LGALS12: variants seen among roughly 807,000 people sequenced by gnomAD.
LGALS12 encodes the protein galectin 12, also known as galectin-12.
Under a neutral mutation model 36.8 loss-of-function variants are expected in LGALS12, and 36 were observed. That is an observed-to-expected ratio of 0.98 (90% CI 0.75 to 1.29). The LOEUF is 1.29. LGALS12 is among the 50% of genes most tolerant of loss of function. The pLI, the probability that LGALS12 is intolerant of heterozygous loss-of-function variation, is 0.00. For synonymous variants in LGALS12, 145 were observed against 155.9 expected, an observed-to-expected ratio of 0.93 and a Z score of 0.52; for missense variants, 366 against 394.3, an observed-to-expected ratio of 0.93 and a Z score of 0.61.
intron 7 of LGALS12, among the ~76,000 whole-genome samples, chr11:63,514,298 G>A (rs938889783): frequency 2.0e-5 from 3 of 152,190 alleles, no homozygotes; most frequent in East Asian, 1.9e-4. Flanking sequence ...TGGGCCGGGC[G>A]CGGTGGCTCA....
In LGALS12 at chr11:63,506,327, C is replaced by T; in HGVS notation, c.-132C>T. 1 of 1,596,284 alleles carries T rather than the reference C, an allele frequency of 6.3e-7. No homozygotes were observed. The highest frequency in any genetic ancestry group is 1.3e-5 in the African/African-American group (1 of 74,664). On this transcript the variant is annotated 5_prime_UTR_variant, in exon 1 of 9. Coordinates refer to ENST00000394618, the MANE Select transcript of LGALS12 (RefSeq NM_033101.4). ...TGCTCCAGACAGCATTAAAACGCTG[C>T]AGGTCGCAGGTGAGACTAACAGCTG...
Position 63,507,444 on chromosome 11 carries a change from C to T in LGALS12, c.69+917C>T, listed in dbSNP as rs115568215. Among the ~76,000 whole-genome samples the T allele has an allele frequency of 1.4e-3, 207 of 152,230 alleles. 2 individuals are homozygous for T. Among genetic ancestry groups the T allele is most frequent in the African/African-American group, 4.8e-3 (198 of 41,534 alleles). ...ACACATCTATGCAGAGCCCTCACGG[C>T]GTCAGGTGAGGCACTGAGCCTACAG... On this transcript the variant is annotated intron_variant, in intron 1 of 8. Transcript: ENST00000394618.
At chr11:63,509,724 A>G in intron 3 of LGALS12, 54 bp from the exon 4 acceptor site, 1 of 1,600,802 alleles carries the variant, frequency 6.2e-7, no homozygotes, top group South Asian at 1.1e-5. Context: ...GGACATTGTT[A>G]TGAACTCAAT....
At chr11:63,508,700 G>A in intron 2 of LGALS12, 59 bp downstream of exon 2, 1 of 1,613,554 alleles carries the variant, frequency 6.2e-7, no homozygotes, top group African/African-American at 1.3e-5. Context: ...GCATCGAGCT[G>A]GAGGGCTCCT....
At chr11:63,510,034 G>T in intron 4 of LGALS12, 137 bp downstream of exon 4, 1 of 1,092,066 alleles carries the variant, frequency 9.2e-7, no homozygotes, top group Non-Finnish European at 1.3e-6. Flanking sequence ...CCAAGGGGGA[G>T]GGAGTCCACT....
At chr11:63,513,918 T>C (rs986498028) in intron 7 of LGALS12, among the ~76,000 whole-genome samples, 1 of 152,094 alleles carries the variant, frequency 6.6e-6, no homozygotes, top group African/African-American at 2.4e-5. Flanking sequence ...CTGAGCTGCA[T>C]GAAGGTGAGG....
chr11:63,513,747 CCTT>C (rs2016994322), intron 7 of LGALS12, among the ~76,000 whole-genome samples: 1 of 152,200 alleles, frequency 6.6e-6, no homozygotes, highest in South Asian at 2.1e-4. Context: ...ATCTATCCCT[CCTT>C]CTTCACCTCA....
chr11:63,509,014 G>T, intron 3 of LGALS12, 23 bp downstream of exon 3: 1 of 1,590,482 alleles, frequency 6.3e-7, no homozygotes, highest in South Asian at 1.1e-5. Flanking sequence ...ACGGGCATTG[G>T]GTGGTCTAGA....
At chr11:63,512,210 A>T (rs753308148) in intron 7 of LGALS12, among the ~76,000 whole-genome samples, 7 of 152,228 alleles carry the variant, frequency 4.6e-5, no homozygotes, top group Non-Finnish European at 7.4e-5. Context: ...AGATACAGCC[A>T]GACTGCCCCA....
rs2016833827 is a variant in LGALS12 at position 63,508,963 on chromosome 11, T to G, written c.344T>G (p.Leu115Arg). Residue 115 changes from leucine (L) to arginine (R), a missense_variant, in exon 3 of 9, where the codon CTC becomes CGC. Leu to Arg is a moderately radical substitution (Grantham distance 102). Transcript: ENST00000394618. Reference sequence around the variant, plus strand: ...CGAAGAGGCTCCAGCTTCCTCATCCTCTTTCTCTTCGGGAATGAGGAAGTG... The same window carrying G: ...CGAAGAGGCTCCAGCTTCCTCATCCGCTTTCTCTTCGGGAATGAGGAAGTG... ...ALRRGSSFLI[L>R]FLFGNEEVKV... 1 of 1,613,978 alleles carries G rather than the reference T, an allele frequency of 6.2e-7. No homozygotes were observed. The highest frequency in any genetic ancestry group is 1.7e-5 in the Admixed American group (1 of 60,012).
intron 7 of LGALS12, among the ~76,000 whole-genome samples, chr11:63,512,304 C>T (rs550225883): frequency 5.7e-4 from 87 of 152,344 alleles, no homozygotes; most frequent in African/African-American, 2.0e-3. Context: ...CTACATGGTG[C>T]TTTCAAACCC....
At chr11:63,512,650 A>G (rs2016961042) in intron 7 of LGALS12, among the ~76,000 whole-genome samples, 1 of 151,992 alleles carries the variant, frequency 6.6e-6, no homozygotes, top group South Asian at 2.1e-4. Context: ...TTAGCCGGGC[A>G]TGGTGGCGCA....
intron 7 of LGALS12, among the ~76,000 whole-genome samples, chr11:63,513,136 G>A (rs541778759): frequency 4.6e-5 from 7 of 152,264 alleles, no homozygotes; most frequent in African/African-American, 7.2e-5. Context: ...CAGTGCGGTC[G>A]TGGGCCAGTC....
intron 7 of LGALS12, 103 bp downstream of exon 7, chr11:63,511,943 T>A: frequency 4.8e-6 from 4 of 825,872 alleles, no homozygotes; most frequent in Non-Finnish European, 8.3e-6. Context: ...CACCATTTAA[T>A]CCCCATTTTA....
intron 7 of LGALS12, among the ~76,000 whole-genome samples, chr11:63,512,746 G>A (rs1033122615): frequency 5.4e-5 from 8 of 147,126 alleles, no homozygotes; most frequent in South Asian, 2.1e-4. Context: ...CCGAGATCGC[G>A]CCACTGCACT....
rs2016736735 is a variant in LGALS12 at position 63,506,121 on chromosome 11, C to T, written c.-338C>T. ...TGGCCCCACAGGAGCCAGCCTCTGG[C>T]TTCTCTCTGCAATGGCCATGTGCTG... On this transcript the variant is annotated 5_prime_UTR_variant, in exon 1 of 9. Coordinates refer to ENST00000394618, the MANE Select transcript of LGALS12 (RefSeq NM_033101.4). 7.4e-6 allele frequency: 3 copies of T among 406,290 alleles called. No homozygotes were observed. Among genetic ancestry groups the T allele is most frequent in the African/African-American group, 6.1e-5 (3 of 48,888 alleles). 25.2% of individuals were successfully genotyped at this position (406,290 alleles called of 1,614,324 possible).
intron 4 of LGALS12, 112 bp downstream of exon 4, chr11:63,510,009 G>A: frequency 1.5e-6 from 2 of 1,316,550 alleles, no homozygotes; most frequent in Admixed American, 2.6e-5. Context: ...AGGACGCCCT[G>A]TGCACCAGTA....
rs951081172 is a variant in LGALS12 at position 63,515,654 on chromosome 11, T to TG, written c.744dup (p.Gln249AlafsTer18). On this transcript the variant is annotated frameshift_variant, in exon 8 of 9. Coordinates refer to ENST00000394618, the MANE Select transcript of LGALS12 (RefSeq NM_033101.4). LOFTEE classifies it high-confidence loss of function. ...CAGAACTCTGGCCTGGATCTCCCGC[T>TG]GGGGGCAGAAGAAACTGATCTCAGC... is the stretch of plus-strand genomic sequence containing the variant. The TG allele has an allele frequency of 1.9e-6, 3 of 1,614,112 alleles. No homozygotes were observed. The highest frequency in any genetic ancestry group is 2.5e-6 in the Non-Finnish European group (3 of 1,180,040).
chr11:63,512,896 T>C (rs937075896), intron 7 of LGALS12, among the ~76,000 whole-genome samples: 4 of 152,082 alleles, frequency 2.6e-5, no homozygotes, highest in South Asian at 4.2e-4. Flanking sequence ...TGGGTACTAC[T>C]GCAATCATCT....
Sources: gnomAD v4.1 joint callset for allele counts (sites outside exome capture counted in the v4.1 genomes callset) on GRCh38, gnomAD v4.1.1 for gene constraint, MANE v1.5 for transcripts, NCBI Gene and HGNC (gene_info 2026-07-23, HGNC 2026-07-21) for gene names.